CNIH3: variants seen among roughly 807,000 people sequenced by gnomAD.
CNIH3 encodes protein cornichon homolog 3.
In CNIH3, 14 loss-of-function variants were observed where a neutral mutation model predicts 24.1. The observed-to-expected ratio is 0.58, with a 90% CI of 0.38 to 0.91. The LOEUF (loss-of-function observed/expected upper bound fraction) is 0.91. CNIH3 is among the 40% of genes least tolerant of loss of function. The pLI is 0.00. For missense variants in CNIH3, 178 were observed against 196.8 expected (o/e 0.90, Z 0.57); for synonymous variants, 68 against 73.8 (o/e 0.92, Z 0.40).
rs1375895655 is a variant in CNIH3, at chr1:224,616,967, G to C, written c.-208G>C. 1 of 1,396,448 alleles carries C rather than the reference G, an allele frequency of 7.2e-7. No individual in the cohort carries two copies. The highest frequency in any genetic ancestry group is 9.3e-7 in the Non-Finnish European group (1 of 1,080,680). 86.5% of individuals were successfully genotyped at this position (1,396,448 alleles called of 1,614,324 possible). ...CACACGTTTTCCTGTCTTCGCCGGA[G>C]GGCCGGGTCTGGGGTCGCCGGAGCC... On this transcript the variant is annotated 5_prime_UTR_variant, in exon 1 of 6. Transcript: ENST00000272133.
At chr1:224,694,685 T>G (rs1483408670) in intron 3 of CNIH3, among the ~76,000 whole-genome samples, 4 of 152,202 alleles carry the variant, frequency 2.6e-5, no homozygotes, top group Non-Finnish European at 5.9e-5. Flanking sequence ...CCAACCTAAA[T>G]GCCCATCAGC....
intron 1 of CNIH3, among the ~76,000 whole-genome samples, chr1:224,437,981 T>C (rs536200599): frequency 3.0e-4 from 45 of 151,938 alleles, no homozygotes; most frequent in African/African-American, 1.1e-3. Flanking sequence ...GGCGCGATCT[T>C]GGCTCACTGC....
chr1:224,625,364 A>G (rs772387011), intron 1 of CNIH3, among the ~76,000 whole-genome samples: 6 of 152,006 alleles, frequency 3.9e-5, no homozygotes, highest in Non-Finnish European at 7.4e-5. Context: ...CCTGGCTAAC[A>G]TGGTGAAACC....
chr1:224,445,723 A>G (rs145788126), intron 1 of CNIH3, among the ~76,000 whole-genome samples: 2 of 151,908 alleles, frequency 1.3e-5, no homozygotes, highest in Admixed American at 1.3e-4. Context: ...TTGCTCTCTT[A>G]ATGTTGTCTT....
chr1:224,445,437 G>C (rs1440174049), intron 1 of CNIH3, among the ~76,000 whole-genome samples: 2 of 151,876 alleles, frequency 1.3e-5, no homozygotes, highest in African/African-American at 2.4e-5. Flanking sequence ...TTAGCCGGGC[G>C]TGGTGGCGCA....
chr1:224,701,852 T>C (rs1687507697), intron 3 of CNIH3, among the ~76,000 whole-genome samples: 1 of 152,198 alleles, frequency 6.6e-6, no homozygotes, highest in Non-Finnish European at 1.5e-5. Flanking sequence ...AGTCTTTCCT[T>C]GGAGCATGCT....
At chr1:224,454,470 G>A (rs997419194) in intron 1 of CNIH3, 15 of 313,640 alleles carry the variant, frequency 4.8e-5, no homozygotes, top group Non-Finnish European at 6.5e-5. Flanking sequence ...TTCTGGTCCC[G>A]TCCCTGAAGC....
At chr1:224,660,862 T>C (rs563518177) in intron 1 of CNIH3, among the ~76,000 whole-genome samples, 1 of 152,318 alleles carries the variant, frequency 6.6e-6, no homozygotes, top group South Asian at 2.1e-4. Flanking sequence ...AGCAGATCCA[T>C]GCTGGTGTTA....
intron 1 of CNIH3, among the ~76,000 whole-genome samples, chr1:224,466,398 C>G (rs1335958912): frequency 6.6e-6 from 1 of 152,124 alleles, no homozygotes; most frequent in African/African-American, 2.4e-5. Context: ...AGCATAATTC[C>G]CTTGAGAACC....
chr1:224,731,210 A>G (rs1689308732), intron 4 of CNIH3, among the ~76,000 whole-genome samples: 1 of 152,208 alleles, frequency 6.6e-6, no homozygotes, highest in Non-Finnish European at 1.5e-5. Flanking sequence ...TGAATATACT[A>G]AAAACCACTG....
rs1019521713 is a variant in CNIH3, at chr1:224,644,406, G to A, written c.81+27151G>A. On this transcript the variant is annotated intron_variant, in intron 1 of 5. Transcript: ENST00000272133. Reference sequence around the variant, plus strand: ...TTGTATTTTTTGTAGATCTCTAGTGGATGATTCCCCATCCAAGGTGGCAGC... The same window carrying A: ...TTGTATTTTTTGTAGATCTCTAGTGAATGATTCCCCATCCAAGGTGGCAGC... Among the ~76,000 whole-genome samples, 5 of 151,726 alleles carry A rather than the reference G, an allele frequency of 3.3e-5. No individual in the cohort carries two copies. In the East Asian group the frequency reaches 9.7e-4, roughly 29 times the overall value.
At chr1:224,667,482 C>G (rs1175615411) in intron 1 of CNIH3, among the ~76,000 whole-genome samples, 2 of 152,184 alleles carry the variant, frequency 1.3e-5, no homozygotes, top group South Asian at 4.1e-4. Flanking sequence ...AGGCAGCGAT[C>G]TCTTGTTGAA....
exon 1 of CNIH3, chr1:224,434,811 T>C: frequency 1.0e-6 from 1 of 986,136 alleles, no homozygotes; most frequent in Non-Finnish European, 1.2e-6. Flanking sequence ...GTCCAGGCGC[T>C]CGCGTCACAG....
exon 1 of CNIH3, chr1:224,434,788 G>C: frequency 5.1e-6 from 5 of 986,466 alleles, no homozygotes; most frequent in Non-Finnish European, 6.0e-6. Context: ...TCCCCCAGCT[G>C]CTGCCTAATG....
At chr1:224,537,557 A>G (rs1679337573), downstream of CNIH3, 1 of 152,146 alleles carries the variant, frequency 6.6e-6, no homozygotes, top group Non-Finnish European at 1.5e-5. Context: ...TTGATGTCTC[A>G]TGTCTCCCTA....
At chr1:224,561,800 T>A (rs1558161703) in intron 3 of CNIH3, among the ~76,000 whole-genome samples, 4 of 152,208 alleles carry the variant, frequency 2.6e-5, no homozygotes, top group Admixed American at 1.3e-4. Flanking sequence ...CATGTTAACA[T>A]CAGCTTATTG....
chr1:224,644,644 C>G (rs2125096535), intron 1 of CNIH3, among the ~76,000 whole-genome samples: 1 of 152,306 alleles, frequency 6.6e-6, no homozygotes. Context: ...CTGGCTGCCG[C>G]AAGCAGATGA....
Position 224,500,272 on chromosome 1 carries a change from C to T in CNIH3, n.204-15469C>T, listed in dbSNP as rs146383981. Among the ~76,000 whole-genome samples the T allele has an allele frequency of 2.6e-5, 4 of 152,234 alleles. No homozygotes were observed. In the East Asian group the frequency reaches 7.7e-4, roughly 29 times the overall value. On this transcript the variant is annotated intron_variant and non_coding_transcript_variant, in intron 1 of 5. Transcript: ENST00000471578. ...AAGTCATCCTCCCACCTCAGCCTCC[C>T]AAAGTGCTGTGATTACAAACTGAGC...
intron 4 of CNIH3, chr1:224,574,785 C>A: frequency 9.5e-7 from 1 of 1,052,442 alleles, no homozygotes; most frequent in Non-Finnish European, 1.5e-6. Context: ...CAGCTTCAAG[C>A]CTGGGAAGGA....
Sources: allele counts gnomAD v4.1 joint callset (sites outside exome capture counted in the v4.1 genomes callset), GRCh38; gene constraint gnomAD v4.1.1; transcripts MANE v1.5; gene names NCBI Gene and HGNC (gene_info 2026-07-23, HGNC 2026-07-21).